The following TTC28 variants were observed in gnomAD, a reference collection of about 807,000 sequenced individuals.
The protein encoded by TTC28 is tetratricopeptide repeat protein 28.
Under a neutral mutation model 198.0 loss-of-function variants are expected in TTC28, and 61 were observed. The observed-to-expected ratio is 0.31, with a 90% CI of 0.25 to 0.38. TTC28 has a LOEUF of 0.38. Among genes scored for constraint, TTC28 ranks in the 10% least tolerant of loss-of-function variants. TTC28 has a pLI of 1.00. For synonymous variants in TTC28, 1,171 were observed against 1,297.8 expected (o/e 0.90, Z 2.10); for missense variants, 2,678 against 3,164.0 (o/e 0.85, Z 3.69).
At chr22:28,090,132 T>C (rs1479974007) in intron 12 of TTC28, among the ~76,000 whole-genome samples, 1 of 151,404 alleles carries the variant, frequency 6.6e-6, no homozygotes, top group Non-Finnish European at 1.5e-5. Context: ...AAAAAAGTAC[T>C]ATATGCCTAA....
At chr22:28,629,512 G>C in intron 2 of TTC28, 40 bp downstream of exon 2, 1 of 1,498,444 alleles carries the variant, frequency 6.7e-7, no homozygotes, top group Non-Finnish European at 8.9e-7. Context: ...CAGGACAAAA[G>C]ATTCTATGAA....
intron 6 of TTC28, among the ~76,000 whole-genome samples, chr22:28,133,396 C>T (rs1395018602): frequency 1.3e-5 from 2 of 152,140 alleles, no homozygotes; most frequent in Admixed American, 1.3e-4. Flanking sequence ...CGGGCGTGAG[C>T]TGAAGAAGGG....
At position 28,328,790 on chromosome 22, in the gene TTC28, AATAATAATAAT is replaced by A. The variant is rs1289081442; in HGVS notation, c.382-22158_382-22148del. On this transcript the variant is annotated intron_variant, in intron 2 of 22. Transcript: ENST00000397906. Reference sequence around the variant, plus strand: ...TAATAATAATAATAATAATAATAATAATAATAATAATAATATGTTCTGAAGAGGTATAAGCT... The same window carrying A: ...TAATAATAATAATAATAATAATAATAAATATGTTCTGAAGAGGTATAAGCT... Among the ~76,000 whole-genome samples the A allele has an allele frequency of 1.5e-3, 223 of 145,430 alleles. 1 individual carries two copies. Among genetic ancestry groups the A allele is most frequent in the African/African-American group, 2.2e-3 (84 of 38,636 alleles).
intron 2 of TTC28, among the ~76,000 whole-genome samples, chr22:28,318,553 T>C (rs1243275501): frequency 6.6e-6 from 1 of 152,244 alleles, no homozygotes; most frequent in Non-Finnish European, 1.5e-5. Flanking sequence ...CAGAAAGCTA[T>C]ACTATGAAGT....
intron 5 of TTC28, among the ~76,000 whole-genome samples, chr22:28,262,683 T>C (rs1392890079): frequency 1.3e-5 from 2 of 152,120 alleles, no homozygotes; most frequent in Non-Finnish European, 2.9e-5. Context: ...CTGACAGATC[T>C]AGGAGTAGGA....
intron 2 of TTC28, among the ~76,000 whole-genome samples, chr22:28,421,251 C>G (rs1248419837): frequency 6.6e-6 from 1 of 152,050 alleles, no homozygotes; most frequent in Non-Finnish European, 1.5e-5. Context: ...TGCATACATC[C>G]AAAGGCACGC....
intron 2 of TTC28, among the ~76,000 whole-genome samples, chr22:28,347,650 T>A (rs1489781443): frequency 6.6e-6 from 1 of 152,090 alleles, no homozygotes; most frequent in Non-Finnish European, 1.5e-5. Flanking sequence ...GGCGGGTGGA[T>A]CACTTGATGT....
At chr22:28,183,938 A>G (rs2092702890) in intron 5 of TTC28, among the ~76,000 whole-genome samples, 1 of 152,198 alleles carries the variant, frequency 6.6e-6, no homozygotes, top group South Asian at 2.1e-4. Context: ...AAACTTAGAT[A>G]ACTTCAATTA....
intron 6 of TTC28, among the ~76,000 whole-genome samples, chr22:28,113,319 A>AT (rs140880930): frequency 0.068 from 10,361 of 152,190 alleles, 403 homozygotes; most frequent in South Asian, 0.089. Flanking sequence ...GAGATGATCT[A>AT]TTTTTTCCTC....
chr22:28,322,583 G>A (rs181436408), intron 2 of TTC28, among the ~76,000 whole-genome samples: 2 of 152,076 alleles, frequency 1.3e-5, no homozygotes, highest in Non-Finnish European at 2.9e-5. Flanking sequence ...AAAATAGAGC[G>A]TAACAGTGAA....
chr22:27,985,257 G>T lies in TTC28; in HGVS notation c.5807C>A (p.Ser1936Tyr). The T allele has an allele frequency of 6.4e-7, 1 of 1,551,142 alleles. No individual in the cohort carries two copies. The highest frequency in any genetic ancestry group is 1.2e-5 in the South Asian group (1 of 83,930). ...TVHFALQSLL[S>Y]LFDSTELPKR... ...TGAGGGCAGGCTCTTACCAAACAGA[G>T]ACAGCAGGGACTGGAGCGCGAAGTG... is the stretch of plus-strand genomic sequence containing the variant. The change falls in exon 22 of 23, where the codon TCT becomes TAT. Residue 1936 changes from serine to tyrosine, a missense_variant. Ser to Tyr is a moderately radical substitution (Grantham distance 144, BLOSUM62 -2). Coordinates refer to ENST00000397906, the MANE Select transcript of TTC28 (RefSeq NM_001145418.2).
intron 2 of TTC28, among the ~76,000 whole-genome samples, chr22:28,389,089 A>G (rs375633758): frequency 0.011 from 1,684 of 152,174 alleles, 34 homozygotes; most frequent in East Asian, 0.086. Flanking sequence ...TTCTGCATCT[A>G]TTGAGATAAT....
At chr22:28,507,779 C>A (rs2048632951) in intron 2 of TTC28, among the ~76,000 whole-genome samples, 1 of 152,100 alleles carries the variant, frequency 6.6e-6, no homozygotes, top group South Asian at 2.1e-4. Flanking sequence ...AAAGAATTTC[C>A]AACCCAAAAT....
At chr22:28,645,292 A>C (rs564838362) in intron 1 of TTC28, among the ~76,000 whole-genome samples, 79 of 152,266 alleles carry the variant, frequency 5.2e-4, no homozygotes, top group Non-Finnish European at 1.0e-3. Context: ...AGATGCAAAA[A>C]TCCTCAACAA....
At chr22:28,013,649 T>G (rs1482713512) in intron 14 of TTC28, among the ~76,000 whole-genome samples, 1 of 152,118 alleles carries the variant, frequency 6.6e-6, no homozygotes, top group Non-Finnish European at 1.5e-5. Context: ...CAGACAAGAT[T>G]CTAGGATGAG....
intron 2 of TTC28, among the ~76,000 whole-genome samples, chr22:28,328,165 C>T (rs954260148): frequency 7.2e-5 from 11 of 152,174 alleles, no homozygotes; most frequent in African/African-American, 2.4e-4. Context: ...GGTGAGGTAG[C>T]TCATGTCTAC....
intron 2 of TTC28, among the ~76,000 whole-genome samples, chr22:28,568,134 A>C (rs2050008888): frequency 6.6e-6 from 1 of 152,222 alleles, no homozygotes; most frequent in Admixed American, 6.5e-5. Flanking sequence ...ATACTAATAT[A>C]AACAATTCTA....
chr22:28,012,697 A>G (rs1052938216), intron 14 of TTC28, among the ~76,000 whole-genome samples: 2 of 152,042 alleles, frequency 1.3e-5, no homozygotes, highest in African/African-American at 4.8e-5. Flanking sequence ...TTTTTTGTAG[A>G]GACGAGGTCT....
At chr22:28,075,614 C>T (rs1480699066) in intron 12 of TTC28, among the ~76,000 whole-genome samples, 2 of 152,204 alleles carry the variant, frequency 1.3e-5, no homozygotes, top group African/African-American at 4.8e-5. Flanking sequence ...ATGTAGCAAG[C>T]TACAATCCCT....
Sources: gnomAD v4.1 joint callset for allele counts (sites outside exome capture counted in the v4.1 genomes callset) on GRCh38, gnomAD v4.1.1 for gene constraint, MANE v1.5 for transcripts, NCBI Gene and HGNC (gene_info 2026-07-23, HGNC 2026-07-21) for gene names.